The following HMGN5 variants were observed in gnomAD, a reference collection of about 807,000 sequenced individuals.
HMGN5 encodes the protein high mobility group nucleosome-binding domain-containing protein 5.
Under a neutral mutation model 9.5 loss-of-function variants are expected in HMGN5, and 4 were observed. The ratio of observed to expected loss-of-function variants is 0.42; its 90% CI spans 0.21 to 0.96. The LOEUF (loss-of-function observed/expected upper bound fraction) is 0.96, where lower values mean the gene tolerates loss of function less well. Ranked by LOEUF, HMGN5 falls within the 40% of genes least tolerant of loss-of-function variation. The pLI, the probability that HMGN5 is intolerant of heterozygous loss-of-function variation, is 0.30. For missense variants in HMGN5, 192 were observed against 187.5 expected (o/e 1.02, Z -0.14); for synonymous variants, 55 against 57.1 (o/e 0.96, Z 0.16).
intron 1 of HMGN5, among the ~76,000 whole-genome samples, chrX:81,193,267 G>C (rs1037861495): frequency 8.9e-6 from 1 of 111,953 alleles, no homozygotes; most frequent in African/African-American, 3.2e-5. Flanking sequence ...CTCTGAAGCT[G>C]CCATGCCATG....
At chrX:81,142,105 A>G (rs989084134) in intron 1 of HMGN5, among the ~76,000 whole-genome samples, 40 of 112,023 alleles carry the variant, frequency 3.6e-4, no homozygotes, top group African/African-American at 1.3e-3. Flanking sequence ...GAACTGATCA[A>G]CCAGAAGAAA....
intron 1 of HMGN5, among the ~76,000 whole-genome samples, chrX:81,184,560 T>TTTTTTTTTGTTTTTTTATTGA (rs2075471898): frequency 1.1e-5 from 1 of 91,160 alleles, no homozygotes; most frequent in African/African-American, 4.4e-5. Context: ...TTTTATTGAT[T>TTTTTTTTTGTTTTTTTATTGA]TTTTTTTTTT....
intron 1 of HMGN5, among the ~76,000 whole-genome samples, chrX:81,185,800 T>A (rs1412030942): frequency 1.8e-5 from 2 of 111,628 alleles, no homozygotes; most frequent in Non-Finnish European, 3.8e-5. Flanking sequence ...CTATTCCCAG[T>A]TTTTTTAGGG....
intron 1 of HMGN5, among the ~76,000 whole-genome samples, chrX:81,177,476 C>A (rs1046412928): frequency 2.0e-5 from 2 of 102,557 alleles, no homozygotes; most frequent in Non-Finnish European, 3.9e-5. Context: ...AAGGCCATTA[C>A]ATGATGGTGA....
chrX:81,121,617 C>T lies in HMGN5; in HGVS notation c.-68G>A, dbSNP rs1392567463. 3 of 849,123 alleles carry T rather than the reference C, an allele frequency of 3.5e-6. No individual in the cohort carries two copies. The highest frequency in any genetic ancestry group is 5.0e-6 in the Non-Finnish European group (3 of 599,428). The allele number at this position is 849,123 out of a possible 1,213,427, so 70.0% of individuals were successfully genotyped here. A position where few individuals can be genotyped will look rare whatever the true frequency, so the allele number is the denominator to read the frequency against. The stretch of plus-strand genomic sequence containing the variant: ...GCCGAAGGCAGTCACTGCCTGACTG[C>T]TCCAAGAGCAAATGAGTTTTCAATG... On this transcript the variant is annotated 5_prime_UTR_variant, in exon 2 of 7. Coordinates refer to ENST00000358130, the MANE Select transcript of HMGN5 (RefSeq NM_030763.3).
intron 1 of HMGN5, among the ~76,000 whole-genome samples, chrX:81,179,856 T>C (rs759061043): frequency 9.0e-6 from 1 of 111,383 alleles, no homozygotes; most frequent in East Asian, 2.8e-4. Flanking sequence ...AAAGCAGATA[T>C]ATACACCAAT....
chrX:81,182,363 T>C (rs2075465231), intron 1 of HMGN5, among the ~76,000 whole-genome samples: 1 of 112,261 alleles, frequency 8.9e-6, no homozygotes, highest in African/African-American at 3.2e-5. Context: ...TGTCAGATGG[T>C]GACATGGTTT....
At chrX:81,138,401 T>C (rs1431222106) in intron 1 of HMGN5, among the ~76,000 whole-genome samples, 5 of 111,678 alleles carry the variant, frequency 4.5e-5, no homozygotes, top group Non-Finnish European at 9.4e-5. Flanking sequence ...AAAATCGTGA[T>C]CATATTAACA....
At chrX:81,115,656 C>T (rs1298490342) in intron 6 of HMGN5, among the ~76,000 whole-genome samples, 1 of 111,610 alleles carries the variant, frequency 9.0e-6, no homozygotes, top group Non-Finnish European at 1.9e-5. Flanking sequence ...GTAAAAATTA[C>T]TTGAAAAGTA....
chrX:81,171,334 A>T (rs1457764215), intron 1 of HMGN5, among the ~76,000 whole-genome samples: 1 of 111,832 alleles, frequency 8.9e-6, no homozygotes, highest in Non-Finnish European at 1.9e-5. Context: ...ACCTGAAAAT[A>T]TGACTATATA....
intron 1 of HMGN5, among the ~76,000 whole-genome samples, chrX:81,146,834 G>A (rs1310880585): frequency 8.9e-6 from 1 of 111,866 alleles, no homozygotes; most frequent in Non-Finnish European, 1.9e-5. Flanking sequence ...CGATCCCACA[G>A]AAATACAAGC....
rs1487619345 is a variant in HMGN5, at chrX:81,191,737, T to C, written c.-124+10000A>G. Among the ~76,000 whole-genome samples, 4 of 112,136 alleles carry C rather than the reference T, an allele frequency of 3.6e-5. No individual in the cohort carries two copies. In the South Asian group the frequency reaches 1.1e-3, roughly 31 times the overall value. ...CACACCCTGTTCCAGGCTAGAAATA[T>C]TTTTCTGTTTCAGACTTACTAAGTG... On this transcript the variant is annotated intron_variant, in intron 1 of 6. Coordinates refer to ENST00000358130, the MANE Select transcript of HMGN5 (RefSeq NM_030763.3).
intron 1 of HMGN5, among the ~76,000 whole-genome samples, chrX:81,163,031 G>C (rs1188960832): frequency 9.0e-6 from 1 of 111,490 alleles, no homozygotes; most frequent in Non-Finnish European, 1.9e-5. Flanking sequence ...CTTGGTACAA[G>C]TAATGTTTTG....
intron 1 of HMGN5, among the ~76,000 whole-genome samples, chrX:81,192,092 A>T (rs933478624): frequency 1.8e-5 from 2 of 111,521 alleles, no homozygotes; most frequent in Non-Finnish European, 3.8e-5. Context: ...AATTCCTGGG[A>T]TTAGCAAGTG....
chrX:81,144,396 C>A (rs1276073628), intron 1 of HMGN5, among the ~76,000 whole-genome samples: 1 of 111,547 alleles, frequency 9.0e-6, no homozygotes, highest in Non-Finnish European at 1.9e-5. Flanking sequence ...AGCAGACCTG[C>A]AGCAGACGAG....
intron 1 of HMGN5, among the ~76,000 whole-genome samples, chrX:81,133,780 A>T (rs2075304019): frequency 9.0e-6 from 1 of 111,107 alleles, no homozygotes; most frequent in African/African-American, 3.3e-5. Context: ...TACCCGTGTG[A>T]TAAAATAATC....
intron 1 of HMGN5, among the ~76,000 whole-genome samples, chrX:81,175,198 T>C (rs1324659791): frequency 8.9e-6 from 1 of 112,254 alleles, no homozygotes; most frequent in Admixed American, 9.4e-5. Context: ...GAATGTATTA[T>C]GCGAAACCAG....
chrX:81,188,563 G>C (rs944046380), intron 1 of HMGN5, among the ~76,000 whole-genome samples: 1 of 109,480 alleles, frequency 9.1e-6, no homozygotes, highest in South Asian at 3.9e-4. Flanking sequence ...TGCCATGTTC[G>C]TTTGCTGCTC....
intron 1 of HMGN5, among the ~76,000 whole-genome samples, chrX:81,168,833 A>G (rs2075418040): frequency 1.8e-5 from 2 of 111,771 alleles, no homozygotes; most frequent in Admixed American, 1.9e-4. Flanking sequence ...CTGTGATCCC[A>G]GTGCTTGGGA....
Sources: gnomAD v4.1 joint callset for allele counts (sites outside exome capture counted in the v4.1 genomes callset) on GRCh38, gnomAD v4.1.1 for gene constraint, MANE v1.5 for transcripts, NCBI Gene and HGNC (gene_info 2026-07-23, HGNC 2026-07-21) for gene names.